Variants in IGF2BP2 observed in about 807,000 individuals in gnomAD.
The protein encoded by IGF2BP2 is insulin-like growth factor 2 mRNA-binding protein 2.
Under a neutral mutation model 75.8 loss-of-function variants are expected in IGF2BP2, and 17 were observed. The ratio of observed to expected loss-of-function variants is 0.22; its 90% confidence interval spans 0.15 to 0.34. The LOEUF is 0.34. Ranked by LOEUF, IGF2BP2 falls within the 10% of genes least tolerant of loss-of-function variation. The probability of loss-of-function intolerance (pLI) is 1.00; values close to 1 mark genes in which losing one functional copy is unlikely to be tolerated. For missense variants in IGF2BP2, 516 were observed against 772.4 expected (o/e 0.67, Z 3.93); for synonymous variants, 288 against 295.6 (o/e 0.97, Z 0.26).
intron 2 of IGF2BP2, among the ~76,000 whole-genome samples, chr3:185,785,300 C>CAA (rs1230648409): frequency 1.3e-4 from 9 of 67,658 alleles, no homozygotes; most frequent in African/African-American, 2.5e-4. Flanking sequence ...GACTCCTTCT[C>CAA]AAAAAAAAAA....
At chr3:185,755,154 G>T (rs1292426270) in intron 2 of IGF2BP2, among the ~76,000 whole-genome samples, 1 of 152,208 alleles carries the variant, frequency 6.6e-6, no homozygotes, top group African/African-American at 2.4e-5. Context: ...GGCCTAAGGA[G>T]GAAAGAACGG....
Position 185,675,280 on chromosome 3 carries a change from A to G in IGF2BP2, c.1071+16T>C. The G allele has an allele frequency of 6.3e-7, 1 of 1,592,720 alleles. No individual in the cohort carries two copies. Among genetic ancestry groups the G allele is most frequent in the South Asian group, 1.2e-5 (1 of 86,680 alleles). ...CCTAGTGAAAACCAGCGGAGAAGAAAGCATTAGGGACTTACGTTAACAGCC... is the reference window on the plus strand; with the variant it reads ...CCTAGTGAAAACCAGCGGAGAAGAAGGCATTAGGGACTTACGTTAACAGCC... On this transcript the variant is annotated intron_variant, in intron 9 of 15. Transcript: ENST00000382199.
intron 10 of IGF2BP2, among the ~76,000 whole-genome samples, chr3:185,665,230 GAGGAGGAGAAGGAGAAGA>G (rs1717142457): frequency 6.8e-6 from 1 of 146,932 alleles, no homozygotes; most frequent in African/African-American, 2.5e-5. Flanking sequence ...GGAGGAGGAG[GAGGAGGAGAAGGAGAAGA>G]AGGAGAAGGA....
intron 2 of IGF2BP2, among the ~76,000 whole-genome samples, chr3:185,813,395 G>A (rs1740169156): frequency 1.3e-5 from 2 of 152,106 alleles, no homozygotes; most frequent in Non-Finnish European, 2.9e-5. Flanking sequence ...CTTTAGTGGT[G>A]GCACAACTCA....
chr3:185,658,473 G>A lies in IGF2BP2; in HGVS notation c.1201-64C>T, dbSNP rs1329728860. On this transcript the variant is annotated intron_variant, in intron 10 of 15. Coordinates refer to ENST00000382199, the MANE Select transcript of IGF2BP2 (RefSeq NM_006548.6). ...CAGGGACTGTCACTGGCCTCAGGGA[G>A]GCCAGATTCCCAACATGCGACACAG... 26 of 1,418,076 alleles carry A rather than the reference G, an allele frequency of 1.8e-5. No individual in the cohort carries two copies. The East Asian group carries it at 5.5e-4, about 30-fold the overall frequency. 87.8% of individuals were successfully genotyped at this position (1,418,076 alleles called of 1,614,324 possible).
chr3:185,681,504 A>T (rs1720382629), intron 7 of IGF2BP2, among the ~76,000 whole-genome samples: 1 of 152,228 alleles, frequency 6.6e-6, no homozygotes, highest in African/African-American at 2.4e-5. Flanking sequence ...AGATGTTTAT[A>T]CTACCGAAAG....
Position 185,643,779 on chromosome 3 carries a change from C to CTTTTTTTTTTTTTTTTTTTTT in IGF2BP2, c.*1751_*1752insAAAAAAAAAAAAAAAAAAAAA, listed in dbSNP as rs933340628. The CTTTTTTTTTTTTTTTTTTTTT allele has an allele frequency of 3.2e-4, 36 of 111,986 alleles. No homozygotes were observed. The highest frequency in any genetic ancestry group is 3.9e-4 in the African/African-American group (11 of 28,150). 6.9% of individuals were successfully genotyped at this position (111,986 alleles called of 1,614,324 possible). On this transcript the variant is annotated 3_prime_UTR_variant, in exon 16 of 16. Transcript: ENST00000382199. ...ATATTTCTGTTTTTTCTTTTTTTTT[C>CTTTTTTTTTTTTTTTTTTTTT]TTTTTTTTTTTTTTTTTTTTGTCAC...
intron 7 of IGF2BP2, among the ~76,000 whole-genome samples, chr3:185,678,573 G>A (rs1195312768): frequency 1.3e-5 from 2 of 152,234 alleles, no homozygotes; most frequent in South Asian, 4.2e-4. Context: ...TCTCTCTCCT[G>A]GAGAGTTCCA....
chr3:185,667,671 A>T (rs1717856609), intron 10 of IGF2BP2, among the ~76,000 whole-genome samples: 1 of 152,202 alleles, frequency 6.6e-6, no homozygotes, highest in Non-Finnish European at 1.5e-5. Flanking sequence ...AAATGCATAT[A>T]CCCTTTGACA....
intron 2 of IGF2BP2, among the ~76,000 whole-genome samples, chr3:185,811,292 A>C (rs1470579): frequency 0.45 from 68,195 of 151,972 alleles, 18,343 homozygotes; most frequent in African/African-American, 0.77. Context: ...CATACGAGTT[A>C]ATCCTGCCTA....
At chr3:185,720,172 T>C (rs551954939) in intron 2 of IGF2BP2, among the ~76,000 whole-genome samples, 31 of 152,286 alleles carry the variant, frequency 2.0e-4, no homozygotes, top group Admixed American at 3.9e-4. Flanking sequence ...CCGTGGTCTA[T>C]AAGAAAGGGC....
At chr3:185,805,616 T>C (rs985340207) in intron 2 of IGF2BP2, among the ~76,000 whole-genome samples, 6 of 152,110 alleles carry the variant, frequency 3.9e-5, no homozygotes, top group African/African-American at 1.4e-4. Flanking sequence ...ATACATTTCT[T>C]TGGGTGCATA....
intron 2 of IGF2BP2, among the ~76,000 whole-genome samples, chr3:185,799,971 A>G (rs1440913777): frequency 6.6e-6 from 1 of 152,242 alleles, no homozygotes; most frequent in African/African-American, 2.4e-5. Context: ...ATAAAGGCAC[A>G]TGCACACGTA....
chr3:185,742,859 G>C (rs905984395), intron 2 of IGF2BP2, among the ~76,000 whole-genome samples: 4 of 152,102 alleles, frequency 2.6e-5, no homozygotes, highest in South Asian at 4.2e-4. Flanking sequence ...CCAGCACTTT[G>C]GGCGGCTGAG....
intron 4 of IGF2BP2, 64 bp from the exon 5 acceptor site, chr3:185,692,826 A>C: frequency 7.0e-7 from 1 of 1,418,576 alleles, no homozygotes; most frequent in Non-Finnish European, 9.9e-7. Flanking sequence ...GGCTTAATGT[A>C]AACAGACAAA....
At chr3:185,653,092 G>T (rs560507713) in intron 12 of IGF2BP2, among the ~76,000 whole-genome samples, 1 of 152,128 alleles carries the variant, frequency 6.6e-6, no homozygotes, top group Non-Finnish European at 1.5e-5. Context: ...GCCTTCCAAA[G>T]TGCTGGGATT....
rs1560215160 is a variant in IGF2BP2, at chr3:185,645,149, C to T, written c.*382G>A. 4.3e-6 allele frequency: 1 copy of T among 235,194 alleles called. No individual in the cohort carries two copies. Among genetic ancestry groups the T allele is most frequent in the African/African-American group, 2.2e-5 (1 of 45,644 alleles). The allele number at this position is 235,194 out of a possible 1,614,324, so 14.6% of individuals were successfully genotyped here. A position where few individuals can be genotyped will look rare whatever the true frequency, so the allele number is the denominator to read the frequency against. On this transcript the variant is annotated 3_prime_UTR_variant, in exon 16 of 16. Transcript: ENST00000382199. The surrounding 1 kb of genome is among the most constrained non-coding windows in gnomAD (Gnocchi z 4.9). ...TAATATGTACACACATGTACAGAGA[C>T]GATTTGCCACAGAAAAAGGGTGTGC...
At chr3:185,686,870 A>G (rs1721208174) in intron 7 of IGF2BP2, among the ~76,000 whole-genome samples, 187 bp downstream of exon 7, 1 of 152,102 alleles carries the variant, frequency 6.6e-6, no homozygotes, top group Non-Finnish European at 1.5e-5. Flanking sequence ...AGACAGCCAT[A>G]TGTAAATGCA....
At chr3:185,723,349 T>C (rs1726848985) in intron 2 of IGF2BP2, among the ~76,000 whole-genome samples, 1 of 152,200 alleles carries the variant, frequency 6.6e-6, no homozygotes, top group Non-Finnish European at 1.5e-5. Context: ...GCTTATCAGA[T>C]AAAGTCATTT....
Sources: gnomAD v4.1 joint callset for allele counts (sites outside exome capture counted in the v4.1 genomes callset) on GRCh38, gnomAD v4.1.1 for gene constraint, Gnocchi (gnomAD v3.1) non-coding constraint, MANE v1.5 for transcripts, NCBI Gene and HGNC (gene_info 2026-07-23, HGNC 2026-07-21) for gene names.